Variants in HMGXB3 observed in about 807,000 individuals in gnomAD.
HMGXB3 encodes HMG domain-containing protein 3.
In HMGXB3, 45 loss-of-function variants were observed where a neutral mutation model predicts 121.5. That is an observed-to-expected ratio of 0.37 (90% CI 0.29 to 0.47). The LOEUF is 0.47. HMGXB3 is among the 20% of genes least tolerant of loss of function. The probability of loss-of-function intolerance (pLI) is 0.99; values close to 1 mark genes in which losing one functional copy is unlikely to be tolerated. For synonymous variants in HMGXB3, 590 were observed against 624.1 expected (o/e 0.95, Z 0.81); for missense variants, 1,376 against 1,602.2 (o/e 0.86, Z 2.41).
chr5:150,018,931 C>A (rs575589093), intron 6 of HMGXB3, among the ~76,000 whole-genome samples: 1 of 152,008 alleles, frequency 6.6e-6, no homozygotes, highest in Non-Finnish European at 1.5e-5. Flanking sequence ...TTTTGGTGTA[C>A]TTCTTTCCAG....
In HMGXB3 at chr5:150,041,873, C is replaced by T. The variant is rs1267697982; in HGVS notation, c.2634C>T (p.Asp878=). Residue 878 remains aspartate (D), a synonymous_variant, in exon 15 of 20, where the codon GAC becomes GAT. Coordinates refer to ENST00000502717, the MANE Select transcript of HMGXB3 (RefSeq NM_014983.3). ...CCTTTGAGTGCCTCACTGTCCGAGA[C>T]TACAATGACATGATCTGTGGCATCT... is the stretch of plus-strand genomic sequence containing the variant. ...YWAFECLTVR[D]YNDMICGICG... 2 of 1,551,706 alleles carry T rather than the reference C, an allele frequency of 1.3e-6. No homozygotes were observed. The highest frequency in any genetic ancestry group is 2.4e-5 in the South Asian group (2 of 84,062).
At chr5:150,030,929 G>A (rs1190718222) in intron 10 of HMGXB3, 90 bp downstream of exon 10, 1 of 894,612 alleles carries the variant, frequency 1.1e-6, no homozygotes, top group African/African-American at 1.7e-5. Flanking sequence ...GGAGAGGGTG[G>A]TGGTAGCTGG....
chr5:150,024,610 GCAGACGTAC>G lies in HMGXB3; in HGVS notation c.1393_1401del (p.Asp465_Pro467del). On this transcript the variant is annotated inframe_deletion, in exon 7 of 20. Coordinates refer to ENST00000502717, the MANE Select transcript of HMGXB3 (RefSeq NM_014983.3). ...GACAACTGACAATGACAGTCCTGGA[GCAGACGTAC>G]CAACACCATCCGAGGGGACAAGTAC... 6.4e-7 allele frequency: 1 copy of G among 1,551,782 alleles called. No homozygotes were observed. The highest frequency in any genetic ancestry group is 2.4e-5 in the East Asian group (1 of 40,918).
Position 150,001,063 on chromosome 5 carries a change from C to G in HMGXB3, c.-119C>G, listed in dbSNP as rs1368336452. ...CACTTCCTTGTTGCTGCTGTCACGACTGGAGCCGCCTCTCGCCGACAGCGG... is the reference window on the plus strand; with the variant it reads ...CACTTCCTTGTTGCTGCTGTCACGAGTGGAGCCGCCTCTCGCCGACAGCGG... On this transcript the variant is annotated 5_prime_UTR_variant, in exon 1 of 20. Coordinates refer to ENST00000502717, the MANE Select transcript of HMGXB3 (RefSeq NM_014983.3). 1 of 154,320 alleles carries G rather than the reference C, an allele frequency of 6.5e-6. No individual in the cohort carries two copies. Among genetic ancestry groups the G allele is most frequent in the Non-Finnish European group, 1.5e-5 (1 of 68,246 alleles). 9.6% of individuals were successfully genotyped at this position (154,320 alleles called of 1,614,324 possible). A position where few individuals can be genotyped will look rare whatever the true frequency, so the allele number is the denominator to read the frequency against.
chr5:150,032,598 G>C lies in HMGXB3; in HGVS notation c.1978G>C (p.Ala660Pro). The C allele has an allele frequency of 6.4e-7, 1 of 1,552,262 alleles. No homozygotes were observed. The highest frequency in any genetic ancestry group is 8.7e-7 in the Non-Finnish European group (1 of 1,147,110). The change falls in exon 11 of 20, where the codon GCT (alanine) becomes CCT (proline). Residue 660 changes from alanine to proline, a missense_variant. This residue lies in a region of HMGXB3 where 1,116 missense variants were observed against 1,369.0 expected (regional missense o/e 0.82). Coordinates refer to ENST00000502717, the MANE Select transcript of HMGXB3 (RefSeq NM_014983.3). The part of the protein sequence containing the change: ...AKDRTEKTTK[A>P]IEVSSPLPDV... ...AGACCGGACTGAGAAAACCACCAAG[G>C]CTATCGTGAGTTCCTTCCCCCAAAC...
In HMGXB3 at chr5:150,036,645, T is replaced by C; in HGVS notation, c.1993T>C (p.Ser665Pro). 3 of 1,542,430 alleles carry C rather than the reference T, an allele frequency of 1.9e-6. No homozygotes were observed. Among genetic ancestry groups the C allele is most frequent in the Non-Finnish European group, 1.8e-6 (2 of 1,141,474 alleles). ...EKTTKAIEVS[S>P]PLPDVLNATE... ...TCCACTCTCTTCCCAGGAGGTGAGC[T>C]CACCACTCCCAGATGTACTGAATGC... Residue 665 changes from serine to proline, a missense_variant, in exon 12 of 20, where the codon TCA (serine) becomes CCA (proline). Ser to Pro is a moderately conservative substitution (Grantham distance 74). Coordinates refer to ENST00000502717, the MANE Select transcript of HMGXB3 (RefSeq NM_014983.3).
In HMGXB3 at chr5:150,052,379, C is replaced by T. The variant is rs968802345; in HGVS notation, c.*187C>T. The T allele has an allele frequency of 5.0e-6, 3 of 597,480 alleles. No individual in the cohort carries two copies. The highest frequency in any genetic ancestry group is 8.9e-6 in the Non-Finnish European group (3 of 337,412). 37.0% of individuals were successfully genotyped at this position (597,480 alleles called of 1,614,324 possible). On this transcript the variant is annotated 3_prime_UTR_variant, in exon 20 of 20. Coordinates refer to ENST00000502717, the MANE Select transcript of HMGXB3 (RefSeq NM_014983.3). Reference sequence around the variant, plus strand: ...CCAGGGTCCTCAGTTCTCAACCCTCCAGGGGTCAGGAGTGGTACCAGGAAA... The same window carrying T: ...CCAGGGTCCTCAGTTCTCAACCCTCTAGGGGTCAGGAGTGGTACCAGGAAA...
intron 2 of HMGXB3, among the ~76,000 whole-genome samples, chr5:150,005,977 T>G (rs1040448143): frequency 6.6e-6 from 1 of 152,212 alleles, no homozygotes; most frequent in Admixed American, 6.5e-5. Context: ...GAGCCTTTGC[T>G]TCCAGGTTTC....
intron 15 of HMGXB3, among the ~76,000 whole-genome samples, chr5:150,042,884 C>T (rs1756670885): frequency 6.6e-6 from 1 of 152,172 alleles, no homozygotes; most frequent in Non-Finnish European, 1.5e-5. Context: ...GGGCATGTTT[C>T]CCCAACTCAT....
rs1401805760 is a variant in HMGXB3 at position 150,051,791 on chromosome 5, A to C, written c.3478A>C (p.Ile1160Leu). ...TVDMTETEHS[I>L]QHPVTKTATR... ...GGACATGACAGAAACTGAGCACTCT[A>C]TCCAGCACCCAGTCACCAAGACTGC... The change falls in exon 20 of 20, where the codon ATC becomes CTC. Residue 1160 changes from isoleucine to leucine, a missense_variant. Transcript: ENST00000502717. 8.4e-6 allele frequency: 13 copies of C among 1,546,330 alleles called. No homozygotes were observed. Among genetic ancestry groups the C allele is most frequent in the African/African-American group, 1.4e-5 (1 of 73,058 alleles).
At chr5:150,030,662 C>T (rs1756350495) in intron 9 of HMGXB3, 79 bp from the exon 10 acceptor site, 15 of 1,070,242 alleles carry the variant, frequency 1.4e-5, no homozygotes, top group Non-Finnish European at 2.1e-5. Context: ...AAAGCATTCC[C>T]TCAAGTCGTT....
chr5:150,034,143 C>T (rs987008588), intron 11 of HMGXB3, among the ~76,000 whole-genome samples: 2 of 152,170 alleles, frequency 1.3e-5, no homozygotes, highest in Non-Finnish European at 2.9e-5. Flanking sequence ...GGGTCCGTAG[C>T]TTTCATCAGA....
chr5:150,035,016 A>G (rs537850080), intron 11 of HMGXB3, among the ~76,000 whole-genome samples: 2 of 152,240 alleles, frequency 1.3e-5, no homozygotes, highest in Non-Finnish European at 2.9e-5. Context: ...TCAGAGATGA[A>G]TAGGACGTGG....
intron 16 of HMGXB3, among the ~76,000 whole-genome samples, chr5:150,046,005 T>G (rs1756748106): frequency 6.6e-6 from 1 of 152,172 alleles, no homozygotes; most frequent in African/African-American, 2.4e-5. Flanking sequence ...ATTGAGCAAG[T>G]GTAGGGGCAG....
chr5:150,026,552 C>A (rs1016197225), intron 7 of HMGXB3, among the ~76,000 whole-genome samples, 154 bp from the exon 8 acceptor site: 3 of 152,238 alleles, frequency 2.0e-5, no homozygotes, highest in Non-Finnish European at 2.9e-5. Flanking sequence ...CAGGGCCACA[C>A]AGCTATTTAG....
chr5:150,037,605 C>T, intron 13 of HMGXB3, 78 bp downstream of exon 13: 3 of 1,260,966 alleles, frequency 2.4e-6, no homozygotes, highest in Non-Finnish European at 1.0e-6. Context: ...GACCTCTGGC[C>T]CTTTGAGGAC....
intron 5 of HMGXB3, among the ~76,000 whole-genome samples, chr5:150,016,449 A>G (rs1291682261): frequency 2.6e-5 from 4 of 152,064 alleles, no homozygotes; most frequent in Non-Finnish European, 4.4e-5. Flanking sequence ...TCTCTTGCGA[A>G]GTATGTAAAC....
intron 9 of HMGXB3, among the ~76,000 whole-genome samples, chr5:150,028,905 C>T (rs904498761): frequency 6.6e-6 from 1 of 151,892 alleles, no homozygotes; most frequent in African/African-American, 2.4e-5. Context: ...TTTTAAAGCC[C>T]CTCCTATTCT....
intron 6 of HMGXB3, among the ~76,000 whole-genome samples, chr5:150,020,245 G>A (rs1756056072): frequency 6.6e-6 from 1 of 152,216 alleles, no homozygotes; most frequent in South Asian, 2.1e-4. Context: ...GAAGGGCCTA[G>A]TGCTAATGTC....
Sources: gnomAD v4.1 joint callset for allele counts (sites outside exome capture counted in the v4.1 genomes callset) on GRCh38, gnomAD v4.1.1 for gene constraint, gnomAD v4.1.1 regional missense constraint, MANE v1.5 for transcripts, NCBI Gene and HGNC (gene_info 2026-07-23, HGNC 2026-07-21) for gene names.